Variants in SPECC1 observed in about 807,000 individuals in gnomAD.
SPECC1 encodes the protein cytospin-B.
In SPECC1, 62 loss-of-function variants were observed where a neutral mutation model predicts 104.1. The ratio of observed to expected loss-of-function variants is 0.60; its 90% CI spans 0.49 to 0.74. SPECC1 has a LOEUF of 0.74. Among genes scored for constraint, SPECC1 ranks in the 30% least tolerant of loss-of-function variants. SPECC1 has a pLI of 0.00. For synonymous variants in SPECC1, 513 were observed against 501.6 expected (o/e 1.02, Z -0.30); for missense variants, 1,306 against 1,310.5 (o/e 1.00, Z 0.05).
intron 12 of SPECC1, among the ~76,000 whole-genome samples, chr17:20,284,462 G>C (rs2040875976): frequency 6.6e-6 from 1 of 152,258 alleles, no homozygotes; most frequent in Non-Finnish European, 1.5e-5. Flanking sequence ...CAGATAGTCT[G>C]AGATCAGAAC....
chr17:20,291,993 T>G (rs2141978659), intron 12 of SPECC1, among the ~76,000 whole-genome samples: 1 of 151,266 alleles, frequency 6.6e-6, no homozygotes, highest in East Asian at 1.9e-4. Context: ...ACTTGCCTTG[T>G]GTACACAGAT....
Position 20,078,729 on chromosome 17 carries a change from T to C in SPECC1, c.-21-17902T>C, listed in dbSNP as rs551663655. On this transcript the variant is annotated intron_variant, in intron 1 of 14. Coordinates refer to ENST00000395527, the MANE Select transcript of SPECC1 (RefSeq NM_001243439.2). ...AATACAAACATATTTATGTTAAAAA[T>C]TGTATGTTAAAAATATAAGCTATAT... 5.9e-5 allele frequency among the ~76,000 whole-genome samples: 9 copies of C among 152,252 alleles called. No homozygotes were observed. In the South Asian group the frequency reaches 1.7e-3, roughly 28 times the overall value.
At chr17:20,290,089 A>G (rs1598149935) in intron 12 of SPECC1, among the ~76,000 whole-genome samples, 1 of 151,860 alleles carries the variant, frequency 6.6e-6, no homozygotes. Context: ...GCATTCAAAT[A>G]CGGCCGAGCC....
intron 1 of SPECC1, among the ~76,000 whole-genome samples, chr17:20,081,496 C>G (rs28666381): frequency 0.5 from 75,326 of 151,694 alleles, 19,267 homozygotes; most frequent in Middle Eastern, 0.61. Context: ...AGGAAGCCTG[C>G]GTTTTATTCC....
intron 4 of SPECC1, among the ~76,000 whole-genome samples, chr17:20,207,461 C>G (rs1025267695): frequency 7.2e-5 from 11 of 152,196 alleles, no homozygotes; most frequent in Non-Finnish European, 1.3e-4. Flanking sequence ...TCACTACTCT[C>G]TGGCAAAATG....
chr17:20,037,398 G>T (rs555624131), intron 1 of SPECC1, among the ~76,000 whole-genome samples: 8 of 152,012 alleles, frequency 5.3e-5, no homozygotes, highest in Non-Finnish European at 1.0e-4. Flanking sequence ...TGATCCACCA[G>T]CGTCAGCCTC....
chr17:20,228,662 C>T (rs1159781967), intron 5 of SPECC1, among the ~76,000 whole-genome samples: 1 of 152,028 alleles, frequency 6.6e-6, no homozygotes, highest in Non-Finnish European at 1.5e-5. Flanking sequence ...CGCATGTGTC[C>T]CATTGGTGGT....
At chr17:20,105,797 CT>C (rs1359035058) in intron 2 of SPECC1, among the ~76,000 whole-genome samples, 1 of 152,202 alleles carries the variant, frequency 6.6e-6, no homozygotes, top group African/African-American at 2.4e-5. Flanking sequence ...TCACCAAGAC[CT>C]TGAGTCCCAG....
At chr17:20,231,254 T>G (rs2038557249) in intron 5 of SPECC1, among the ~76,000 whole-genome samples, 1 of 152,164 alleles carries the variant, frequency 6.6e-6, no homozygotes, top group South Asian at 2.1e-4. Flanking sequence ...CATCGGTGCT[T>G]TTGAAAAGCT....
At chr17:20,244,233 C>CA (rs1290405415) in intron 7 of SPECC1, among the ~76,000 whole-genome samples, 1 of 151,314 alleles carries the variant, frequency 6.6e-6, no homozygotes, top group East Asian at 1.9e-4. Flanking sequence ...TGTCTCAGAA[C>CA]AAAAAAAAGG....
At chr17:20,260,395 A>G (rs1017597469) in intron 12 of SPECC1, 101 bp downstream of exon 12, 24 of 933,776 alleles carry the variant, frequency 2.6e-5, no homozygotes, top group South Asian at 1.4e-4. Flanking sequence ...GCCAATATGC[A>G]TGTAATTGTC....
chr17:20,045,206 T>G (rs2152456513), intron 1 of SPECC1, among the ~76,000 whole-genome samples: 1 of 152,338 alleles, frequency 6.6e-6, no homozygotes, highest in East Asian at 1.9e-4. Flanking sequence ...AAGCCCATCC[T>G]GCTGCTGCTT....
At chr17:20,144,184 T>A (rs1275225163) in intron 3 of SPECC1, among the ~76,000 whole-genome samples, 1 of 131,498 alleles carries the variant, frequency 7.6e-6, no homozygotes, top group African/African-American at 3.0e-5. Flanking sequence ...TCTTTTTTTT[T>A]TTTTTTTTTT....
intron 7 of SPECC1, among the ~76,000 whole-genome samples, chr17:20,242,582 A>G (rs1010133634): frequency 1.3e-5 from 2 of 152,250 alleles, no homozygotes; most frequent in African/African-American, 4.8e-5. Flanking sequence ...AGATAGGAAC[A>G]CTGAAATAAC....
chr17:20,208,292 A>G (rs1226063615), intron 4 of SPECC1, among the ~76,000 whole-genome samples: 2 of 152,234 alleles, frequency 1.3e-5, no homozygotes, highest in Admixed American at 6.5e-5. Context: ...TTTCTTGTAT[A>G]TCTATCAAGA....
At chr17:20,292,701 A>G (rs2041213328) in intron 12 of SPECC1, among the ~76,000 whole-genome samples, 1 of 152,214 alleles carries the variant, frequency 6.6e-6, no homozygotes, top group Admixed American at 6.5e-5. Flanking sequence ...TGAAGCCAAG[A>G]GTCCACAGGA....
At chr17:20,141,276 T>C (rs1442067341) in intron 3 of SPECC1, among the ~76,000 whole-genome samples, 1 of 152,210 alleles carries the variant, frequency 6.6e-6, no homozygotes, top group African/African-American at 2.4e-5. Context: ...TCCTGCCTAA[T>C]AACTCTCTGT....
intron 2 of SPECC1, among the ~76,000 whole-genome samples, chr17:20,101,268 T>C (rs2047932109): frequency 6.6e-6 from 1 of 152,166 alleles, no homozygotes; most frequent in Admixed American, 6.5e-5. Flanking sequence ...TTGAACTAAT[T>C]TACACTCCCA....
intron 2 of SPECC1, among the ~76,000 whole-genome samples, chr17:20,105,777 A>C (rs1311611608): frequency 6.6e-6 from 1 of 152,182 alleles, no homozygotes; most frequent in Non-Finnish European, 1.5e-5. Context: ...TGTTGCCTCC[A>C]GCTGTCATCT....
Sources: allele counts gnomAD v4.1 joint callset (sites outside exome capture counted in the v4.1 genomes callset), GRCh38; gene constraint gnomAD v4.1.1; transcripts MANE v1.5; gene names NCBI Gene and HGNC (gene_info 2026-07-23, HGNC 2026-07-21).